Variants in HOMER1 observed in about 807,000 individuals in gnomAD.
The protein encoded by HOMER1 is homer protein homolog 1.
A neutral mutation model predicts 48.9 loss-of-function variants in HOMER1; 3 were observed. The ratio of observed to expected loss-of-function variants is 0.06; its 90% CI spans 0.03 to 0.16. The LOEUF (loss-of-function observed/expected upper bound fraction) is 0.16, where lower values mean the gene tolerates loss of function less well. HOMER1 is among the 10% of genes least tolerant of loss of function. The pLI, the probability that HOMER1 is intolerant of heterozygous loss-of-function variation, is 1.00. For missense variants in HOMER1, 247 were observed against 411.4 expected, an observed-to-expected ratio of 0.60 and a Z score of 3.46; for synonymous variants, 134 against 146.4, an observed-to-expected ratio of 0.92 and a Z score of 0.61.
intron 8 of HOMER1, among the ~76,000 whole-genome samples, chr5:79,386,945 CCTTT>C (rs999922488): frequency 2.8e-5 from 2 of 71,638 alleles, no homozygotes; most frequent in Non-Finnish European, 5.7e-5. Context: ...TTCCTTCCTT[CCTTT>C]CCTTTCTTCC....
chr5:79,465,155 C>A (rs545340263), intron 1 of HOMER1, among the ~76,000 whole-genome samples: 1 of 152,022 alleles, frequency 6.6e-6, no homozygotes, highest in East Asian at 1.9e-4. Flanking sequence ...TGGCCAACAG[C>A]AAGACCTCGC....
At chr5:79,512,510 T>C (rs568780220) in intron 1 of HOMER1, among the ~76,000 whole-genome samples, 41 of 152,210 alleles carry the variant, frequency 2.7e-4, no homozygotes, top group Non-Finnish European at 4.7e-4. Flanking sequence ...AAGTGTAGAA[T>C]GCGTTGTCTT....
chr5:79,463,553 T>C (rs1363031823), intron 1 of HOMER1, among the ~76,000 whole-genome samples: 1 of 152,218 alleles, frequency 6.6e-6, no homozygotes, highest in Non-Finnish European at 1.5e-5. Context: ...ATAATACGTT[T>C]GCTAATTGTT....
At chr5:79,510,981 C>T in intron 1 of HOMER1, 1 of 448,538 alleles carries the variant, frequency 2.2e-6, no homozygotes. Context: ...GGGCTGGGGT[C>T]CTCCTGTGCT....
intron 5 of HOMER1, among the ~76,000 whole-genome samples, chr5:79,428,673 AATTTC>A (rs1750338690): frequency 6.6e-6 from 1 of 152,176 alleles, no homozygotes. Flanking sequence ...TTAACAAAAC[AATTTC>A]ATTTATAATA....
intron 8 of HOMER1, among the ~76,000 whole-genome samples, chr5:79,386,811 G>A (rs1749121522): frequency 6.6e-6 from 1 of 152,124 alleles, no homozygotes; most frequent in Admixed American, 6.5e-5. Context: ...AGGAGGTTAT[G>A]CTATTTGTTA....
chr5:79,382,900 T>A (rs1749018537), intron 8 of HOMER1, among the ~76,000 whole-genome samples: 1 of 152,156 alleles, frequency 6.6e-6, no homozygotes, highest in African/African-American at 2.4e-5. Context: ...TAACCTAGAA[T>A]GAAAATGGAT....
intron 5 of HOMER1, among the ~76,000 whole-genome samples, chr5:79,402,952 C>T (rs1225248897): frequency 6.6e-6 from 1 of 152,150 alleles, no homozygotes; most frequent in African/African-American, 2.4e-5. Flanking sequence ...AAAGACTTGA[C>T]TTCTGATATA....
chr5:79,447,574 T>C (rs1337310781), intron 3 of HOMER1, among the ~76,000 whole-genome samples: 1 of 152,200 alleles, frequency 6.6e-6, no homozygotes, highest in Admixed American at 6.5e-5. Context: ...TAAATTTTAC[T>C]AAAATATAAA....
chr5:79,502,183 A>G (rs983188176), intron 1 of HOMER1, among the ~76,000 whole-genome samples: 1 of 151,838 alleles, frequency 6.6e-6, no homozygotes, highest in African/African-American at 2.4e-5. Context: ...CCACGCCCAG[A>G]TAACTTTTGT....
intron 1 of HOMER1, among the ~76,000 whole-genome samples, chr5:79,478,670 G>A (rs1166842627): frequency 6.6e-6 from 1 of 151,920 alleles, no homozygotes; most frequent in Admixed American, 6.6e-5. Flanking sequence ...ATCAACCATA[G>A]GCCAGGCGCA....
intron 4 of HOMER1, among the ~76,000 whole-genome samples, chr5:79,445,883 C>T (rs574738809): frequency 2.6e-5 from 4 of 152,204 alleles, no homozygotes; most frequent in East Asian, 1.9e-4. Context: ...CACTGCACTC[C>T]GGTCTGGGTG....
chr5:79,445,959 T>G (rs966967155), intron 4 of HOMER1, among the ~76,000 whole-genome samples: 1 of 152,296 alleles, frequency 6.6e-6, no homozygotes, highest in Admixed American at 6.5e-5. Flanking sequence ...CAAACCCTAT[T>G]GTTTGTGCGT....
At chr5:79,442,203 A>G (rs920950064) in intron 4 of HOMER1, among the ~76,000 whole-genome samples, 5 of 152,144 alleles carry the variant, frequency 3.3e-5, no homozygotes, top group Non-Finnish European at 5.9e-5. Flanking sequence ...GAAAAAATTT[A>G]TTTTTGGAAG....
At chr5:79,432,610 C>T (rs1267461853) in intron 5 of HOMER1, among the ~76,000 whole-genome samples, 1 of 152,096 alleles carries the variant, frequency 6.6e-6, no homozygotes. Context: ...AATTTTAACA[C>T]TTTCCTCAAA....
chr5:79,446,668 G>A (rs1313180996), intron 4 of HOMER1, among the ~76,000 whole-genome samples: 2 of 151,476 alleles, frequency 1.3e-5, no homozygotes, highest in African/African-American at 4.9e-5. Context: ...TTGAGACAGG[G>A]TCTTGCTGTT....
chr5:79,505,664 T>A (rs1752746308), intron 1 of HOMER1, among the ~76,000 whole-genome samples: 2 of 152,126 alleles, frequency 1.3e-5, no homozygotes, highest in African/African-American at 4.8e-5. Context: ...ATATTAATAT[T>A]AGGTGTTAAG....
intron 5 of HOMER1, among the ~76,000 whole-genome samples, chr5:79,403,411 T>C (rs922911422): frequency 2.0e-5 from 3 of 152,176 alleles, no homozygotes; most frequent in Non-Finnish European, 2.9e-5. Flanking sequence ...AAATATGACA[T>C]ATTAGCATCA....
chr5:79,500,955 G>GAC (rs199953253), intron 1 of HOMER1, among the ~76,000 whole-genome samples: 4 of 109,604 alleles, frequency 3.6e-5, no homozygotes, highest in African/African-American at 1.9e-4. Flanking sequence ...GTGTGTGTGA[G>GAC]ACAGACAGAC....
Sources: gnomAD v4.1 joint callset for allele counts (sites outside exome capture counted in the v4.1 genomes callset) on GRCh38, gnomAD v4.1.1 for gene constraint, MANE v1.5 for transcripts, NCBI Gene and HGNC (gene_info 2026-07-23, HGNC 2026-07-21) for gene names.